Variants in KLF12 observed in about 807,000 individuals in gnomAD.
The protein encoded by KLF12 is Krueppel-like factor 12.
In KLF12, 9 loss-of-function variants were observed where a neutral mutation model predicts 37.8. The observed-to-expected ratio is 0.24, with a 90% CI of 0.14 to 0.42. The LOEUF (loss-of-function observed/expected upper bound fraction) is 0.42, where lower values mean the gene tolerates loss of function less well. Among genes scored for constraint, KLF12 ranks in the 10% least tolerant of loss-of-function variants. The pLI is 1.00. For synonymous variants in KLF12, 208 were observed against 202.1 expected (o/e 1.03, Z -0.25); for missense variants, 411 against 516.0 (o/e 0.80, Z 1.97).
intron 7 of KLF12, among the ~76,000 whole-genome samples, chr13:73,702,963 C>T (rs1477041564): frequency 3.3e-5 from 5 of 152,072 alleles, no homozygotes; most frequent in African/African-American, 4.8e-5. Flanking sequence ...ACAGACCAGG[C>T]GGCTATACCT....
intron 7 of KLF12, among the ~76,000 whole-genome samples, chr13:73,713,273 C>T (rs554905408): frequency 6.6e-6 from 1 of 152,246 alleles, no homozygotes; most frequent in East Asian, 1.9e-4. Flanking sequence ...CCGTAAGAGG[C>T]TACTGGACAT....
chr13:73,822,716 T>G (rs1228811941), intron 4 of KLF12, among the ~76,000 whole-genome samples: 1 of 152,204 alleles, frequency 6.6e-6, no homozygotes, highest in Non-Finnish European at 1.5e-5. Flanking sequence ...ATTGTCTTGT[T>G]TCCTGAAAGT....
At chr13:74,071,772 A>G (rs1381504993) in intron 1 of KLF12, among the ~76,000 whole-genome samples, 4 of 152,234 alleles carry the variant, frequency 2.6e-5, no homozygotes, top group Non-Finnish European at 4.4e-5. Context: ...AGAAATTAAG[A>G]TACGAGTGAA....
the KLF12 span, among the ~76,000 whole-genome samples, chr13:74,219,268 T>C: frequency 2.6e-5 from 4 of 152,222 alleles, no homozygotes; most frequent in East Asian, 7.7e-4. Context: ...GATTTGTAAA[T>C]TTTAACCCAT....
At chr13:73,726,123 G>A (rs1326272220) in intron 6 of KLF12, among the ~76,000 whole-genome samples, 1 of 152,128 alleles carries the variant, frequency 6.6e-6, no homozygotes, top group African/African-American at 2.4e-5. Context: ...AAAGTGCTGG[G>A]ATTATAGGCG....
In KLF12 at chr13:73,724,117, A is replaced by C. The variant is rs537869464; in HGVS notation, c.870-8592T>G. Reference sequence around the variant, plus strand: ...TTATGTTTACTGCAGCTCTATTTACAATAGCAGAGACTTGGAACCAACCCA... The same window carrying C: ...TTATGTTTACTGCAGCTCTATTTACCATAGCAGAGACTTGGAACCAACCCA... On this transcript the variant is annotated intron_variant, in intron 6 of 7. Transcript: ENST00000377669. 2.0e-5 allele frequency among the ~76,000 whole-genome samples: 3 copies of C among 152,332 alleles called. No homozygotes were observed. The South Asian group carries it at 6.2e-4, about 32-fold the overall frequency.
intron 6 of KLF12, among the ~76,000 whole-genome samples, chr13:73,747,007 G>A (rs951351239): frequency 6.6e-6 from 1 of 151,682 alleles, no homozygotes; most frequent in African/African-American, 2.4e-5. Context: ...AGTAGAGATG[G>A]GATTTCACCA....
chr13:74,155,256 A>G, the KLF12 span, among the ~76,000 whole-genome samples: 1 of 152,182 alleles, frequency 6.6e-6, no homozygotes, highest in Non-Finnish European at 1.5e-5. Context: ...TTTTACAGTC[A>G]CTAACCTAGG....
At chr13:73,885,856 G>A (rs1483608190) in intron 3 of KLF12, among the ~76,000 whole-genome samples, 1 of 152,188 alleles carries the variant, frequency 6.6e-6, no homozygotes, top group Non-Finnish European at 1.5e-5. Flanking sequence ...CGAACAGTTA[G>A]GGAGATGGAG....
At chr13:73,736,639 G>A (rs553683198) in intron 6 of KLF12, among the ~76,000 whole-genome samples, 52 of 152,262 alleles carry the variant, frequency 3.4e-4, no homozygotes, top group Non-Finnish European at 6.5e-4. Flanking sequence ...CAGGTAATGC[G>A]CAAATGCACT....
chr13:74,202,729 C>T, the KLF12 span, among the ~76,000 whole-genome samples: 4 of 152,146 alleles, frequency 2.6e-5, no homozygotes, highest in African/African-American at 9.7e-5. Flanking sequence ...ATGGAAGGAA[C>T]TAATCTGCTA....
chr13:73,805,429 G>A (rs1412287204), intron 5 of KLF12, among the ~76,000 whole-genome samples: 1 of 151,830 alleles, frequency 6.6e-6, no homozygotes, highest in Non-Finnish European at 1.5e-5. Context: ...ACATCAGCCT[G>A]AGCAATATGG....
chr13:74,279,356 TG>T, the KLF12 span, among the ~76,000 whole-genome samples: 1 of 152,160 alleles, frequency 6.6e-6, no homozygotes, highest in East Asian at 1.9e-4. Flanking sequence ...CTGACTTCTA[TG>T]ACTTCCACCC....
intron 2 of KLF12, among the ~76,000 whole-genome samples, chr13:73,969,854 G>C (rs1465847470): frequency 6.6e-6 from 1 of 152,172 alleles, no homozygotes; most frequent in Non-Finnish European, 1.5e-5. Context: ...ATGCAGTACA[G>C]AGAGAGAGAA....
the KLF12 span, among the ~76,000 whole-genome samples, chr13:74,234,327 T>A: frequency 6.6e-6 from 1 of 152,146 alleles, no homozygotes; most frequent in East Asian, 1.9e-4. Context: ...AATTTTAGAA[T>A]CAGAAAGACC....
intron 2 of KLF12, among the ~76,000 whole-genome samples, chr13:73,984,740 A>G (rs141341371): frequency 1.2e-3 from 186 of 152,252 alleles, no homozygotes; most frequent in African/African-American, 4.1e-3. Context: ...TCACACCCCA[A>G]CTGATACAGA....
At chr13:73,939,213 G>A (rs917072117) in intron 3 of KLF12, among the ~76,000 whole-genome samples, 14 of 152,220 alleles carry the variant, frequency 9.2e-5, no homozygotes, top group African/African-American at 3.1e-4. Context: ...AATAAACAGT[G>A]AGGGTGACTA....
the KLF12 span, among the ~76,000 whole-genome samples, chr13:74,165,477 T>C: frequency 6.6e-6 from 1 of 151,920 alleles, no homozygotes; most frequent in East Asian, 1.9e-4. Context: ...TTTTGTACTT[T>C]TAGTAGAGAT....
the KLF12 span, among the ~76,000 whole-genome samples, chr13:74,166,942 G>A: frequency 2.1e-3 from 314 of 152,086 alleles, 4 homozygotes; most frequent in African/African-American, 7.3e-3. Flanking sequence ...CTGTTCTCTC[G>A]CTGTCTTCAG....
Sources: gnomAD v4.1 joint callset for allele counts (sites outside exome capture counted in the v4.1 genomes callset) on GRCh38, gnomAD v4.1.1 for gene constraint, MANE v1.5 for transcripts, NCBI Gene and HGNC (gene_info 2026-07-23, HGNC 2026-07-21) for gene names.